The following DNASE1 variants were observed in gnomAD, a reference collection of about 807,000 sequenced individuals.
The protein encoded by DNASE1 is deoxyribonuclease-1.
A neutral mutation model predicts 33.9 loss-of-function variants in DNASE1; 40 were observed. That is an observed-to-expected ratio of 1.18 (90% CI 0.92 to 1.54). The LOEUF is 1.54. DNASE1 is among the 40% of genes most tolerant of loss of function. The probability of loss-of-function intolerance (pLI) is 0.00; values close to 1 mark genes in which losing one functional copy is unlikely to be tolerated. For missense variants in DNASE1, 518 were observed against 372.6 expected, an observed-to-expected ratio of 1.39 and a Z score of -3.21; for synonymous variants, 216 against 160.0, an observed-to-expected ratio of 1.35 and a Z score of -2.64.
chr16:3,664,931 T>A (rs1015108376), exon 10 of DNASE1: 1 of 158,016 alleles, frequency 6.3e-6, no homozygotes. Context: ...GGGGAGGGGT[T>A]TGCCCTCCTC....
At chr16:3,624,826 A>T (rs2041452186) in intron 1 of DNASE1, among the ~76,000 whole-genome samples, 1 of 152,104 alleles carries the variant, frequency 6.6e-6, no homozygotes, top group African/African-American at 2.4e-5. Context: ...GTAGCTGAGA[A>T]TATAGGTTTC....
chr16:3,662,341 C>T (rs1054808292), downstream of DNASE1: 2 of 645,996 alleles, frequency 3.1e-6, no homozygotes, highest in South Asian at 4.0e-5. Context: ...GCCCGAGGGG[C>T]TCCACCACCC....
At position 3,654,928 on chromosome 16, in the gene DNASE1, TTCTTCATAGAC is replaced by T. The variant is rs1421856665; in HGVS notation, c.-116_-106del. ...CCTTGAAGTGCTTCTTCAGAGACCTTTCTTCATAGACTACTTTTTTTTCTTTAAGCAGCAAA... is the reference window on the plus strand; with the variant it reads ...CCTTGAAGTGCTTCTTCAGAGACCTTTACTTTTTTTTCTTTAAGCAGCAAA... On this transcript the variant is annotated 5_prime_UTR_variant, in exon 1 of 9. Transcript: ENST00000246949. The T allele has an allele frequency of 8.7e-6, 4 of 458,184 alleles. No homozygotes were observed. The highest frequency in any genetic ancestry group is 1.5e-5 in the Non-Finnish European group (4 of 262,360). The allele number at this position is 458,184 out of a possible 1,614,324, so 28.4% of individuals were successfully genotyped here.
At chr16:3,616,870 G>C (rs971779007) in intron 1 of DNASE1, among the ~76,000 whole-genome samples, 1 of 152,054 alleles carries the variant, frequency 6.6e-6, no homozygotes, top group Non-Finnish European at 1.5e-5. Context: ...GATTTTGTCC[G>C]GGATGCCAAG....
At chr16:3,637,632 A>T (rs1369477037) in intron 1 of DNASE1, among the ~76,000 whole-genome samples, 1 of 152,194 alleles carries the variant, frequency 6.6e-6, no homozygotes, top group African/African-American at 2.4e-5. Flanking sequence ...GCTCTTGTAA[A>T]ATAGTTTCCT....
At chr16:3,661,684 A>AAAAC, downstream of DNASE1, 4 of 332,068 alleles carry the variant, frequency 1.2e-5, no homozygotes, top group Non-Finnish European at 1.1e-5. Context: ...TACAAAGCTC[A>AAAAC]AAACAGGCAA....
chr16:3,639,538 A>G (rs1230179709), upstream of DNASE1, among the ~76,000 whole-genome samples: 3 of 152,122 alleles, frequency 2.0e-5, no homozygotes, highest in Non-Finnish European at 4.4e-5. Flanking sequence ...CGTGCTTTTG[A>G]TCACACCCTC....
chr16:3,638,180 C>T (rs1176492163), upstream of DNASE1, among the ~76,000 whole-genome samples: 4 of 150,336 alleles, frequency 2.7e-5, no homozygotes, highest in East Asian at 5.9e-4. Flanking sequence ...TTTGTCTTTC[C>T]GCTTACAGCA....
At chr16:3,661,345 C>T (rs1035132226), downstream of DNASE1, 6 of 151,856 alleles carry the variant, frequency 4.0e-5, no homozygotes, top group East Asian at 5.8e-4. Flanking sequence ...CAGGAAGAAA[C>T]GAGGGAAATC....
chr16:3,663,719 G>A (rs527804576), exon 10 of DNASE1: 5 of 833,106 alleles, frequency 6.0e-6, no homozygotes, highest in South Asian at 1.8e-5. Flanking sequence ...CAGTTACTAC[G>A]ACACCTGGGT....
At position 3,624,845 on chromosome 16, in the gene DNASE1, C is replaced by T. The variant is rs1339236946; in HGVS notation, c.-1359+12839C>T. 2.6e-5 allele frequency among the ~76,000 whole-genome samples: 4 copies of T among 152,154 alleles called. No individual in the cohort carries two copies. The East Asian group carries it at 5.8e-4, about 22-fold the overall frequency. On this transcript the variant is annotated intron_variant and NMD_transcript_variant, in intron 1 of 11. Transcript: ENST00000570769. ...CTGAGAATATAGGTTTCTTCCAGCACACCTGGCTAATTTTTTATTTTATTT... is the reference window on the plus strand; with the variant it reads ...CTGAGAATATAGGTTTCTTCCAGCATACCTGGCTAATTTTTTATTTTATTT...
intron 1 of DNASE1, among the ~76,000 whole-genome samples, chr16:3,644,782 G>A (rs1377510828): frequency 6.6e-6 from 1 of 151,590 alleles, no homozygotes; most frequent in Non-Finnish European, 1.5e-5. Flanking sequence ...TTTACCAGCA[G>A]ATTGGAATCA....
At chr16:3,640,760 A>C, upstream of DNASE1, 1 of 398,542 alleles carries the variant, frequency 2.5e-6, no homozygotes, top group Non-Finnish European at 4.4e-6. Flanking sequence ...AAGCTTGCTG[A>C]GTGGTACAGC....
upstream of DNASE1, among the ~76,000 whole-genome samples, chr16:3,650,312 C>G (rs905070275): frequency 6.6e-6 from 1 of 152,066 alleles, no homozygotes; most frequent in African/African-American, 2.4e-5. Context: ...ATCTTCCACT[C>G]AAGTATCAAT....
At chr16:3,653,834 A>AAC, upstream of DNASE1, 1 of 146,542 alleles carries the variant, frequency 6.8e-6, no homozygotes, top group Non-Finnish European at 1.5e-5. Flanking sequence ...AAAAAAAAAA[A>AAC]AAAAAAACTG....
downstream of DNASE1, chr16:3,659,144 C>T (rs767809551): frequency 1.2e-5 from 4 of 338,532 alleles, no homozygotes; most frequent in Non-Finnish European, 2.1e-5. Context: ...TGAAGACATG[C>T]CTTGGTTCCT....
At chr16:3,657,590 G>A in intron 7 of DNASE1, 130 bp from the exon 8 acceptor site, 1 of 1,321,704 alleles carries the variant, frequency 7.6e-7, no homozygotes, top group Non-Finnish European at 1.1e-6. Context: ...GCACAGACCA[G>A]GGTGTGCAGT....
chr16:3,640,875 C>G (rs1400559886), upstream of DNASE1: 1 of 398,522 alleles, frequency 2.5e-6, no homozygotes, highest in African/African-American at 2.1e-5. Context: ...TCCTCATGGG[C>G]TCAAGCGAGG....
chr16:3,631,254 G>A (rs2151177748), intron 1 of DNASE1, among the ~76,000 whole-genome samples: 1 of 152,202 alleles, frequency 6.6e-6, no homozygotes, highest in African/African-American at 2.4e-5. Flanking sequence ...CCAGACTGGA[G>A]TGCAGTGGCA....
Sources: gnomAD v4.1 joint callset for allele counts (sites outside exome capture counted in the v4.1 genomes callset) on GRCh38, gnomAD v4.1.1 for gene constraint, MANE v1.5 for transcripts, NCBI Gene and HGNC (gene_info 2026-07-23, HGNC 2026-07-21) for gene names.